TAF15: variants seen among roughly 807,000 people sequenced by gnomAD.
The protein encoded by TAF15 is TATA-binding protein-associated factor 2N.
In TAF15, 37 loss-of-function variants were observed where a neutral mutation model predicts 102.5. That is an observed-to-expected ratio of 0.36 (90% CI 0.28 to 0.47). The LOEUF (loss-of-function observed/expected upper bound fraction) is 0.47, where lower values mean the gene tolerates loss of function less well. Among genes scored for constraint, TAF15 ranks in the 20% least tolerant of loss-of-function variants. TAF15 has a pLI of 0.99. For synonymous variants in TAF15, 273 were observed against 259.2 expected, an observed-to-expected ratio of 1.05 and a Z score of -0.51; for missense variants, 652 against 760.7, an observed-to-expected ratio of 0.86 and a Z score of 1.68.
At chr17:35,830,600 G>T (rs377351647) in intron 7 of TAF15, among the ~76,000 whole-genome samples, 6 of 152,112 alleles carry the variant, frequency 3.9e-5, no homozygotes, top group East Asian at 1.9e-4. Context: ...CTACTTGAAG[G>T]TTATTTTCTG....
intron 1 of TAF15, 90 bp downstream of exon 1, chr17:35,809,666 G>A: frequency 6.3e-7 from 1 of 1,581,436 alleles, no homozygotes. Flanking sequence ...GCCCTGAGGA[G>A]AAGCCTCCGG....
intron 15 of TAF15, among the ~76,000 whole-genome samples, chr17:35,846,615 G>T (rs548833350): frequency 6.6e-6 from 1 of 152,320 alleles, no homozygotes; most frequent in Non-Finnish European, 1.5e-5. Context: ...CCTATTTAGA[G>T]TGCTGGAACT....
chr17:35,830,132 C>T (rs959482129), intron 7 of TAF15: 1 of 150,668 alleles, frequency 6.6e-6, no homozygotes, highest in African/African-American at 2.4e-5. Context: ...AAGAGTGAAA[C>T]TCTTGTCTCA....
chr17:35,830,144 A>G (rs926132825), intron 7 of TAF15: 2 of 142,302 alleles, frequency 1.4e-5, no homozygotes, highest in South Asian at 2.2e-4. Flanking sequence ...CTTGTCTCAG[A>G]AAAAAAAAAA....
rs761142122 is a variant in TAF15 at position 35,842,447 on chromosome 17, G to A, written c.994G>A (p.Gly332Ser). 2 of 1,613,960 alleles carry A rather than the reference G, an allele frequency of 1.2e-6. No individual in the cohort carries two copies. Among genetic ancestry groups the A allele is most frequent in the African/African-American group, 1.3e-5 (1 of 75,058 alleles). ...ATTCATGAGAGGAGGTGGAAGTGGAGGTGGGCGGCGAGGTAAGATCCTTGC... is the reference window on the plus strand; with the variant it reads ...ATTCATGAGAGGAGGTGGAAGTGGAAGTGGGCGGCGAGGTAAGATCCTTGC... Reference protein sequence around the residue: ...PEFMRGGGSGGGRRGRGGYRG... With the variant: ...PEFMRGGGSGSGRRGRGGYRG... The change falls in exon 12 of 16, where the codon GGT (glycine) becomes AGT (serine). Residue 332 changes from glycine to serine, a missense_variant. Transcript: ENST00000605844.
intron 7 of TAF15, among the ~76,000 whole-genome samples, chr17:35,825,759 C>A (rs1436337945): frequency 1.3e-5 from 2 of 151,932 alleles, no homozygotes; most frequent in African/African-American, 4.8e-5. Context: ...CCATCCTGGC[C>A]AACACAGTGA....
chr17:35,845,733 C>T (rs564228411), intron 15 of TAF15, among the ~76,000 whole-genome samples: 82 of 152,132 alleles, frequency 5.4e-4, no homozygotes, highest in African/African-American at 1.8e-3. Flanking sequence ...GTGATCCACC[C>T]GCCTCGGCCT....
chr17:35,842,577 C>G, intron 12 of TAF15, 118 bp downstream of exon 12: 1 of 788,538 alleles, frequency 1.3e-6, no homozygotes, highest in East Asian at 2.7e-5. Context: ...GTCTTTTTCC[C>G]TCTATCTTAA....
rs147631514 is a variant in TAF15, at chr17:35,817,768, T to C, written c.47+13T>C. ...GTGAGCAGCAAAGGTAAAGTATACATACATTTTAATAATATGAAAGGGTAG... is the reference window on the plus strand; with the variant it reads ...GTGAGCAGCAAAGGTAAAGTATACACACATTTTAATAATATGAAAGGGTAG... On this transcript the variant is annotated intron_variant, in intron 2 of 15. Coordinates refer to ENST00000605844, the MANE Select transcript of TAF15 (RefSeq NM_139215.3). 458 of 1,611,604 alleles carry C rather than the reference T, an allele frequency of 2.8e-4. 1 individual carries two copies. In the African/African-American group the frequency reaches 5.4e-3, roughly 19 times the overall value.
intron 10 of TAF15, among the ~76,000 whole-genome samples, chr17:35,838,012 A>AC (rs2087497075): frequency 6.8e-6 from 1 of 146,360 alleles, no homozygotes; most frequent in Non-Finnish European, 1.5e-5. Context: ...ATATAGCAAG[A>AC]CCCCATCTCT....
intron 2 of TAF15, 28 bp downstream of exon 2, chr17:35,817,783 T>C (rs764016440): frequency 1.2e-6 from 2 of 1,605,840 alleles, no homozygotes; most frequent in Non-Finnish European, 1.7e-6. Flanking sequence ...TTTAATAATA[T>C]GAAAGGGTAG....
At chr17:35,833,247 A>G (rs1482150240) in intron 7 of TAF15, among the ~76,000 whole-genome samples, 1 of 152,178 alleles carries the variant, frequency 6.6e-6, no homozygotes, top group Non-Finnish European at 1.5e-5. Context: ...TGGCAGCATG[A>G]ACCTCCGTAG....
Position 35,834,540 on chromosome 17 carries a change from C to T in TAF15, c.641-26C>T, listed in dbSNP as rs755304898. The T allele has an allele frequency of 3.7e-6, 6 of 1,610,358 alleles. No individual in the cohort carries two copies. In the African/African-American group the frequency reaches 6.7e-5, roughly 18 times the overall value. ...ATTTTAAATAAATTGCCTTAAATAG[C>T]TCTTTTTTCTTTTCTTTTCCCTTAG... On this transcript the variant is annotated intron_variant, in intron 8 of 15. Transcript: ENST00000605844.
At chr17:35,838,005 T>C (rs948111303) in intron 10 of TAF15, among the ~76,000 whole-genome samples, 1 of 149,318 alleles carries the variant, frequency 6.7e-6, no homozygotes, top group African/African-American at 2.5e-5. Flanking sequence ...CTGAGCCATA[T>C]AGCAAGACCC....
intron 1 of TAF15, 138 bp downstream of exon 1, chr17:35,809,714 C>T (rs1484406192): frequency 2.5e-6 from 3 of 1,215,266 alleles, no homozygotes; most frequent in Non-Finnish European, 3.5e-6. Context: ...CGGCCGCTGC[C>T]GCCGCCATGT....
intron 1 of TAF15, among the ~76,000 whole-genome samples, chr17:35,815,918 C>T (rs1598518602): frequency 6.6e-6 from 1 of 152,114 alleles, no homozygotes; most frequent in African/African-American, 2.4e-5. Context: ...GTTTTATGCC[C>T]TCCATATTCA....
chr17:35,829,310 T>A (rs1008370779), intron 7 of TAF15, among the ~76,000 whole-genome samples: 1 of 151,576 alleles, frequency 6.6e-6, no homozygotes, highest in Non-Finnish European at 1.5e-5. Flanking sequence ...GTTAGGTTTT[T>A]ATTTTATTTT....
At chr17:35,822,005 A>G (rs924358214) in intron 5 of TAF15, among the ~76,000 whole-genome samples, 2 of 152,156 alleles carry the variant, frequency 1.3e-5, no homozygotes, top group Admixed American at 6.5e-5. Context: ...AGAGTCAGAC[A>G]TATTACTGTA....
intron 7 of TAF15, among the ~76,000 whole-genome samples, chr17:35,826,394 A>G (rs1438062513): frequency 1.3e-5 from 2 of 152,160 alleles, no homozygotes; most frequent in Admixed American, 6.6e-5. Flanking sequence ...GTGAAAGGCC[A>G]GATAGTAAAT....
Sources: gnomAD v4.1 joint callset for allele counts (sites outside exome capture counted in the v4.1 genomes callset) on GRCh38, gnomAD v4.1.1 for gene constraint, MANE v1.5 for transcripts, NCBI Gene and HGNC (gene_info 2026-07-23, HGNC 2026-07-21) for gene names.